OPN5: variants seen among roughly 807,000 people sequenced by gnomAD.
OPN5 encodes the protein opsin-5.
A neutral mutation model predicts 41.7 loss-of-function variants in OPN5; 18 were observed. The ratio of observed to expected loss-of-function variants is 0.43; its 90% CI spans 0.30 to 0.64. The LOEUF (loss-of-function observed/expected upper bound fraction) is 0.64, where lower values mean the gene tolerates loss of function less well. Ranked by LOEUF, OPN5 falls within the 30% of genes least tolerant of loss-of-function variation. The pLI, the probability that OPN5 is intolerant of heterozygous loss-of-function variation, is 0.13. For missense variants in OPN5, 318 were observed against 434.5 expected, an observed-to-expected ratio of 0.73 and a Z score of 2.38; for synonymous variants, 178 against 164.3, an observed-to-expected ratio of 1.08 and a Z score of -0.64.
At chr6:47,794,203 G>T (rs1018289980) in intron 3 of OPN5, among the ~76,000 whole-genome samples, 1 of 152,208 alleles carries the variant, frequency 6.6e-6, no homozygotes, top group Non-Finnish European at 1.5e-5. Flanking sequence ...AGGCCTGACC[G>T]ACTTTCCAAA....
intron 6 of OPN5, 22 bp downstream of exon 6, chr6:47,811,753 C>T: frequency 2.6e-6 from 4 of 1,517,490 alleles, no homozygotes; most frequent in Non-Finnish European, 3.7e-6. Context: ...GATACAGCAT[C>T]ACTATGGACA....
chr6:47,798,652 G>A (rs1434185608), intron 4 of OPN5, among the ~76,000 whole-genome samples: 1 of 150,750 alleles, frequency 6.6e-6, no homozygotes, highest in East Asian at 1.9e-4. Context: ...ATAAACACAA[G>A]TGTTTCTAAT....
At chr6:47,813,252 G>T (rs984570242) in intron 6 of OPN5, among the ~76,000 whole-genome samples, 1 of 152,168 alleles carries the variant, frequency 6.6e-6, no homozygotes, top group African/African-American at 2.4e-5. Flanking sequence ...CACGTGGCAC[G>T]TCAGATAGAG....
intron 5 of OPN5, among the ~76,000 whole-genome samples, chr6:47,809,088 C>G (rs1162336424): frequency 6.6e-6 from 1 of 152,086 alleles, no homozygotes; most frequent in African/African-American, 2.4e-5. Flanking sequence ...GAATCCAGTA[C>G]CATTTTTCCT....
intron 1 of OPN5, 31 bp downstream of exon 1, chr6:47,782,227 C>T (rs1773109404): frequency 6.2e-7 from 1 of 1,605,082 alleles, no homozygotes; most frequent in Non-Finnish European, 8.5e-7. Context: ...TGTGCAAAGG[C>T]TGCATTTAGA....
intron 3 of OPN5, among the ~76,000 whole-genome samples, chr6:47,792,733 CT>C (rs1401025542): frequency 6.6e-6 from 1 of 152,138 alleles, no homozygotes; most frequent in East Asian, 1.9e-4. Flanking sequence ...ACAGTACTGA[CT>C]TCCTCTGGAT....
intron 4 of OPN5, among the ~76,000 whole-genome samples, chr6:47,797,153 G>C (rs952756801): frequency 6.6e-6 from 1 of 152,240 alleles, no homozygotes; most frequent in South Asian, 2.1e-4. Context: ...AGATCTGGGT[G>C]GGGGGACAGC....
chr6:47,792,909 C>A (rs1214076411), intron 3 of OPN5, among the ~76,000 whole-genome samples: 1 of 150,762 alleles, frequency 6.6e-6, no homozygotes, highest in Non-Finnish European at 1.5e-5. Flanking sequence ...CATCCCCAAA[C>A]TCCAAAGAAT....
intron 1 of OPN5, among the ~76,000 whole-genome samples, chr6:47,782,706 A>G (rs1773117132): frequency 1.3e-5 from 2 of 152,206 alleles, no homozygotes; most frequent in South Asian, 2.1e-4. Context: ...GTAAAGTCGC[A>G]TCAAAATAGC....
intron 6 of OPN5, among the ~76,000 whole-genome samples, chr6:47,818,137 T>G (rs948824262): frequency 6.6e-6 from 1 of 152,260 alleles, no homozygotes; most frequent in Admixed American, 6.5e-5. Flanking sequence ...TCACTTCCAA[T>G]AGCCGCCCGA....
intron 6 of OPN5, among the ~76,000 whole-genome samples, chr6:47,813,333 A>G (rs1762320357): frequency 6.6e-6 from 1 of 152,200 alleles, no homozygotes; most frequent in South Asian, 2.1e-4. Flanking sequence ...TTGAAACATG[A>G]GGATAATAAC....
chr6:47,818,457 A>G (rs973173674), intron 6 of OPN5, among the ~76,000 whole-genome samples: 3 of 152,250 alleles, frequency 2.0e-5, no homozygotes, highest in Non-Finnish European at 4.4e-5. Flanking sequence ...TTCTCTAAAT[A>G]TAGGACTGGG....
intron 2 of OPN5, among the ~76,000 whole-genome samples, chr6:47,789,811 A>G (rs1488366056): frequency 6.6e-6 from 1 of 152,208 alleles, no homozygotes; most frequent in Non-Finnish European, 1.5e-5. Context: ...TGTGAATGTC[A>G]GTTACTTAGC....
chr6:47,795,637 G>C, intron 4 of OPN5, 74 bp downstream of exon 4: 1 of 1,000,870 alleles, frequency 1.0e-6, no homozygotes. Context: ...GATAGGGAAC[G>C]TTGGAGACTG....
intron 4 of OPN5, among the ~76,000 whole-genome samples, chr6:47,799,740 A>G (rs1439122283): frequency 1.3e-5 from 2 of 152,064 alleles, no homozygotes; most frequent in African/African-American, 4.8e-5. Context: ...TTTGGTGTTC[A>G]GCTCAGTGGG....
At chr6:47,826,262 T>C (rs1461275714), downstream of OPN5, 1 of 152,130 alleles carries the variant, frequency 6.6e-6, no homozygotes, top group Non-Finnish European at 1.5e-5. Flanking sequence ...AATGAGATCC[T>C]GGGATTTCGT....
chr6:47,787,458 T>G (rs1425157166), intron 2 of OPN5, among the ~76,000 whole-genome samples: 4 of 152,226 alleles, frequency 2.6e-5, no homozygotes, highest in Non-Finnish European at 5.9e-5. Context: ...GTTGCTTAGA[T>G]GGACTCTAAT....
At chr6:47,791,277 A>G (rs1485396676) in intron 2 of OPN5, among the ~76,000 whole-genome samples, 2 of 139,294 alleles carry the variant, frequency 1.4e-5, no homozygotes, top group African/African-American at 5.2e-5. Flanking sequence ...GCATTTAATA[A>G]AACTTAACAT....
intron 3 of OPN5, chr6:47,793,894 A>T (rs2113960429): frequency 2.3e-6 from 1 of 439,016 alleles, no homozygotes. Flanking sequence ...TGGAGAAACA[A>T]GAGCTGACTT....
Sources: allele counts gnomAD v4.1 joint callset (sites outside exome capture counted in the v4.1 genomes callset), GRCh38; gene constraint gnomAD v4.1.1; transcripts MANE v1.5; gene names NCBI Gene and HGNC (gene_info 2026-07-23, HGNC 2026-07-21).